Variants in PRKN observed in about 807,000 individuals in gnomAD.
PRKN encodes parkin RBR E3 ubiquitin protein ligase.
In PRKN, 56 loss-of-function variants were observed where a neutral mutation model predicts 59.5. That is an observed-to-expected ratio of 0.94 (90% CI 0.76 to 1.18). The LOEUF is 1.18. Among genes scored for constraint, PRKN ranks in the 50% most tolerant of loss-of-function variants. PRKN has a pLI of 0.00. For synonymous variants in PRKN, 250 were observed against 222.1 expected, an observed-to-expected ratio of 1.13 and a Z score of -1.12; for missense variants, 657 against 596.4, an observed-to-expected ratio of 1.10 and a Z score of -1.06.
At chr6:161,924,024 G>C (rs1480544220) in intron 6 of PRKN, among the ~76,000 whole-genome samples, 1 of 152,164 alleles carries the variant, frequency 6.6e-6, no homozygotes, top group Admixed American at 6.5e-5. Context: ...CTTGAATCCA[G>C]GCTCTGGCGC....
At chr6:161,964,071 T>C (rs1014087657) in intron 6 of PRKN, among the ~76,000 whole-genome samples, 6 of 152,096 alleles carry the variant, frequency 3.9e-5, no homozygotes, top group Admixed American at 3.3e-4. Context: ...CCAGATAGCC[T>C]TGCTTTTCGC....
At chr6:162,207,524 G>A (rs1363379530) in intron 3 of PRKN, among the ~76,000 whole-genome samples, 1 of 152,156 alleles carries the variant, frequency 6.6e-6, no homozygotes, top group East Asian at 1.9e-4. Context: ...GCACTCTCTG[G>A]AAAGGTCATG....
At chr6:161,682,469 T>C (rs1785401524) in intron 7 of PRKN, among the ~76,000 whole-genome samples, 1 of 152,086 alleles carries the variant, frequency 6.6e-6, no homozygotes, top group South Asian at 2.1e-4. Context: ...TAGGGTGCAT[T>C]GTGAGGACTG....
chr6:161,959,805 T>A (rs1257380611), intron 6 of PRKN, among the ~76,000 whole-genome samples: 2 of 152,190 alleles, frequency 1.3e-5, no homozygotes, highest in African/African-American at 2.4e-5. Flanking sequence ...TCAAAGTGTG[T>A]TCACAGAAAT....
chr6:162,169,810 T>C (rs1783179312), intron 4 of PRKN, among the ~76,000 whole-genome samples: 2 of 152,208 alleles, frequency 1.3e-5, no homozygotes, highest in Admixed American at 1.3e-4. Context: ...TGATCTTCTA[T>C]TTTACATCAG....
chr6:162,555,551 A>C (rs1410651660), intron 1 of PRKN, among the ~76,000 whole-genome samples: 1 of 152,050 alleles, frequency 6.6e-6, no homozygotes, highest in Non-Finnish European at 1.5e-5. Context: ...TGCTGAGATA[A>C]CTCACCCTCT....
At chr6:162,100,906 T>G (rs1779944776) in intron 4 of PRKN, among the ~76,000 whole-genome samples, 1 of 152,200 alleles carries the variant, frequency 6.6e-6, no homozygotes, top group African/African-American at 2.4e-5. Context: ...TTCTGTTTCT[T>G]TACCCCATTT....
At chr6:162,032,638 A>G (rs1242962832) in intron 5 of PRKN, among the ~76,000 whole-genome samples, 1 of 152,208 alleles carries the variant, frequency 6.6e-6, no homozygotes, top group East Asian at 1.9e-4. Context: ...CGATGAAAAA[A>G]GCGAAGCTGA....
intron 6 of PRKN, among the ~76,000 whole-genome samples, chr6:161,874,103 TTATATGTAA>T: frequency 1.4e-5 from 1 of 72,966 alleles, no homozygotes; most frequent in Non-Finnish European, 2.2e-5. Flanking sequence ...ATAATATATA[TTATATGTAA>T]AATATAATAT....
At chr6:162,698,504 A>T (rs546309290) in intron 1 of PRKN, among the ~76,000 whole-genome samples, 1 of 152,308 alleles carries the variant, frequency 6.6e-6, no homozygotes, top group South Asian at 2.1e-4. Context: ...TCACATGAGC[A>T]TGAGGACCCC....
At chr6:161,524,904 A>G (rs1044556984) in intron 9 of PRKN, among the ~76,000 whole-genome samples, 4 of 152,178 alleles carry the variant, frequency 2.6e-5, no homozygotes, top group African/African-American at 4.8e-5. Flanking sequence ...TCAGAAGAGC[A>G]GGGCTGGCTG....
intron 9 of PRKN, among the ~76,000 whole-genome samples, chr6:161,449,337 C>G (rs953079029): frequency 2.6e-5 from 4 of 151,970 alleles, no homozygotes; most frequent in Admixed American, 2.6e-4. Context: ...GAAAAACAAA[C>G]AAAGAAACAT....
chr6:162,021,149 TATATATATATATATATAA>T lies in PRKN; in HGVS notation c.618+32924_618+32941del, dbSNP rs1262234926. ...ATATATATATATATATATATATATA[TATATATATATATATATAA>T]AATATATGTGTATATATATTATATA... On this transcript the variant is annotated intron_variant, in intron 5 of 11. Transcript: ENST00000366898. Among the ~76,000 whole-genome samples the T allele has an allele frequency of 8.0e-3, 108 of 13,454 alleles. 4 individuals are homozygous for T. Among genetic ancestry groups the T allele is most frequent in the African/African-American group, 0.022 (104 of 4,746 alleles). The allele number at this position is 13,454 out of a possible 152,430, so 8.8% of individuals were successfully genotyped here.
At chr6:161,761,122 G>A (rs1454878266) in intron 7 of PRKN, among the ~76,000 whole-genome samples, 1 of 152,176 alleles carries the variant, frequency 6.6e-6, no homozygotes, top group East Asian at 1.9e-4. Context: ...AAGGTATTAT[G>A]GCCAGTTAAT....
intron 7 of PRKN, among the ~76,000 whole-genome samples, chr6:161,676,659 C>T (rs1354333139): frequency 6.6e-6 from 1 of 152,148 alleles, no homozygotes; most frequent in African/African-American, 2.4e-5. Context: ...ATCCAAAATA[C>T]ATAATATTAT....
intron 1 of PRKN, among the ~76,000 whole-genome samples, chr6:162,478,604 T>C (rs1412613740): frequency 6.6e-6 from 1 of 152,138 alleles, no homozygotes; most frequent in African/African-American, 2.4e-5. Flanking sequence ...AGTACAGTCA[T>C]GGGTCACTGA....
At chr6:161,946,414 A>ACACACACACACACACACTCT (rs1247187053) in intron 6 of PRKN, among the ~76,000 whole-genome samples, 126 of 114,442 alleles carry the variant, frequency 1.1e-3, no homozygotes, top group Middle Eastern at 9.3e-3. Context: ...ACACACACAC[A>ACACACACACACACACACTCT]CTCTCTCTCT....
intron 2 of PRKN, among the ~76,000 whole-genome samples, chr6:162,287,338 A>G (rs1781238247): frequency 6.6e-6 from 1 of 152,126 alleles, no homozygotes; most frequent in African/African-American, 2.4e-5. Flanking sequence ...AGTCTGAGGC[A>G]GGAGGATTGC....
chr6:161,506,659 C>T lies in PRKN; in HGVS notation c.1083+42195G>A, dbSNP rs1778183415. Reference sequence around the variant, plus strand: ...AGGAGGATGATGCAGGTGGGTGGGGCCCAGGAGTGGCAGGTGGCTGTGGGG... The same window carrying T: ...AGGAGGATGATGCAGGTGGGTGGGGTCCAGGAGTGGCAGGTGGCTGTGGGG... On this transcript the variant is annotated intron_variant, in intron 9 of 11. Coordinates refer to ENST00000366898, the MANE Select transcript of PRKN (RefSeq NM_004562.3). Among the ~76,000 whole-genome samples the T allele has an allele frequency of 2.0e-5, 3 of 152,150 alleles. No homozygotes were observed. The South Asian group carries it at 6.2e-4, about 31-fold the overall frequency.
Sources: allele counts gnomAD v4.1 joint callset (sites outside exome capture counted in the v4.1 genomes callset), GRCh38; gene constraint gnomAD v4.1.1; transcripts MANE v1.5; gene names NCBI Gene and HGNC (gene_info 2026-07-23, HGNC 2026-07-21).